The following LPP variants were observed in gnomAD, a reference collection of about 807,000 sequenced individuals.
LPP encodes the protein lipoma-preferred partner.
A neutral mutation model predicts 60.4 loss-of-function variants in LPP; 38 were observed. That is an observed-to-expected ratio of 0.63 (90% CI 0.49 to 0.83). The LOEUF (loss-of-function observed/expected upper bound fraction) is 0.83, where lower values mean the gene tolerates loss of function less well. LPP is among the 40% of genes least tolerant of loss of function. The probability of loss-of-function intolerance (pLI) is 0.00; values close to 1 mark genes in which losing one functional copy is unlikely to be tolerated. For missense variants in LPP, 902 were observed against 783.6 expected (o/e 1.15, Z -1.80); for synonymous variants, 328 against 290.8 (o/e 1.13, Z -1.30).
At chr3:188,288,063 G>A (rs779639422) in intron 2 of LPP, among the ~76,000 whole-genome samples, 2 of 152,182 alleles carry the variant, frequency 1.3e-5, no homozygotes, top group Non-Finnish European at 2.9e-5. Context: ...CTTAAGGACA[G>A]CTCCAGCCTG....
intron 8 of LPP, chr3:188,759,584 C>T (rs1460961709): frequency 6.5e-6 from 1 of 154,188 alleles, no homozygotes; most frequent in Non-Finnish European, 1.4e-5. Flanking sequence ...AATTAAAGGA[C>T]TGCCTTGGGA....
intron 1 of LPP, among the ~76,000 whole-genome samples, chr3:188,210,999 A>G (rs748956888): frequency 1.3e-5 from 2 of 152,150 alleles, no homozygotes; most frequent in Non-Finnish European, 2.9e-5. Flanking sequence ...ATAGTAACTT[A>G]TATTTGTGTT....
At chr3:188,484,826 G>A (rs1182823431) in intron 5 of LPP, 122 bp downstream of exon 5, 1 of 720,452 alleles carries the variant, frequency 1.4e-6, no homozygotes, top group Non-Finnish European at 2.4e-6. Flanking sequence ...TTTATCCAGA[G>A]CCTATTGAGA....
chr3:188,803,831 G>C (rs1748083012), intron 9 of LPP, among the ~76,000 whole-genome samples: 1 of 152,086 alleles, frequency 6.6e-6, no homozygotes, highest in South Asian at 2.1e-4. Context: ...TCGTTTGTCA[G>C]TTTTTACAAA....
chr3:188,592,557 G>GTTGTTTGTTTTTTTT (rs1553936334), intron 6 of LPP, among the ~76,000 whole-genome samples: 20 of 85,754 alleles, frequency 2.3e-4, no homozygotes, highest in South Asian at 2.3e-3. Flanking sequence ...TTTTGTTTTT[G>GTTGTTTGTTTTTTTT]TTTTTTAAAT....
intron 7 of LPP, among the ~76,000 whole-genome samples, chr3:188,707,450 T>G (rs1865708987): frequency 6.6e-6 from 1 of 152,234 alleles, no homozygotes; most frequent in African/African-American, 2.4e-5. Context: ...CATTTTGCTC[T>G]GTATGTCTTC....
At chr3:188,206,191 T>C (rs76817822) in intron 1 of LPP, among the ~76,000 whole-genome samples, 6,023 of 152,240 alleles carry the variant, frequency 0.04, 158 homozygotes, top group South Asian at 0.097. Flanking sequence ...TTTTCATTTT[T>C]TCAAGGAAAG....
intron 3 of LPP, among the ~76,000 whole-genome samples, chr3:188,371,437 T>C (rs1447339156): frequency 6.6e-6 from 1 of 151,126 alleles, no homozygotes; most frequent in African/African-American, 2.4e-5. Flanking sequence ...TCATCTTTGA[T>C]GCCTACCATG....
At position 188,889,701 on chromosome 3, in the gene LPP, A is replaced by G. The variant is rs1771050261; in HGVS notation, c.*15222A>G. On this transcript the variant is annotated 3_prime_UTR_variant, in exon 12 of 12. Transcript: ENST00000617246. ...TTTTCCATATAAGGAGCCCCATTACATAAGCTACGGGTGAGGTTGGAACAG... is the reference window on the plus strand; with the variant it reads ...TTTTCCATATAAGGAGCCCCATTACGTAAGCTACGGGTGAGGTTGGAACAG... 4.5e-6 allele frequency: 1 copy of G among 221,908 alleles called. No individual in the cohort carries two copies. Among genetic ancestry groups the G allele is most frequent in the Non-Finnish European group, 9.0e-6 (1 of 110,888 alleles). The allele number at this position is 221,908 out of a possible 1,614,324, so 13.7% of individuals were successfully genotyped here.
At chr3:188,220,449 C>T (rs1715361361) in intron 1 of LPP, among the ~76,000 whole-genome samples, 1 of 152,246 alleles carries the variant, frequency 6.6e-6, no homozygotes, top group South Asian at 2.1e-4. Context: ...GATACTGCTA[C>T]AAAGTTTCCT....
chr3:188,199,775 C>G (rs1040403184), intron 1 of LPP, among the ~76,000 whole-genome samples: 1 of 151,148 alleles, frequency 6.6e-6, no homozygotes, highest in South Asian at 2.1e-4. Context: ...AGTTCAATGG[C>G]GTGATCTTGG....
intron 1 of LPP, among the ~76,000 whole-genome samples, chr3:188,190,957 C>T (rs974919471): frequency 6.6e-6 from 1 of 152,192 alleles, no homozygotes; most frequent in African/African-American, 2.4e-5. Context: ...TGGGGCCAGG[C>T]GTGGTGGCTC....
At chr3:188,830,794 G>C (rs751897117) in intron 9 of LPP, among the ~76,000 whole-genome samples, 1 of 152,094 alleles carries the variant, frequency 6.6e-6, no homozygotes. Flanking sequence ...CTATTACATA[G>C]TAAGAAGCTC....
chr3:188,628,424 C>A (rs1205746505), intron 7 of LPP, among the ~76,000 whole-genome samples: 1 of 151,896 alleles, frequency 6.6e-6, no homozygotes, highest in Non-Finnish European at 1.5e-5. Flanking sequence ...TACATTACCA[C>A]CAACCCCACA....
intron 9 of LPP, among the ~76,000 whole-genome samples, chr3:188,817,999 C>T (rs534805771): frequency 6.6e-6 from 1 of 152,294 alleles, no homozygotes; most frequent in South Asian, 2.1e-4. Context: ...GTTCAGAGTG[C>T]AAGCATGAGC....
At chr3:188,628,313 G>GT (rs369184460) in intron 7 of LPP, among the ~76,000 whole-genome samples, 276 of 149,730 alleles carry the variant, frequency 1.8e-3, no homozygotes, top group Non-Finnish European at 2.7e-3. Flanking sequence ...ACCAAAAGCT[G>GT]TTTTTTTTTG....
In LPP at chr3:188,691,548, A is replaced by T. The variant is rs115667091; in HGVS notation, c.1114-16719A>T. ...TGTCCCTTTATTCATATTGCCATTC[A>T]CAAATTACTTGAGTAGTCCTACTTC... On this transcript the variant is annotated intron_variant, in intron 7 of 11. Coordinates refer to ENST00000617246, the MANE Select transcript of LPP (RefSeq NM_001375462.1). Among the ~76,000 whole-genome samples, 1,033 of 152,308 alleles carry T rather than the reference A, an allele frequency of 6.8e-3. 15 individuals carry two copies. Among genetic ancestry groups the T allele is most frequent in the African/African-American group, 0.024 (988 of 41,564 alleles).
At chr3:188,685,401 T>C (rs771766306) in intron 7 of LPP, among the ~76,000 whole-genome samples, 34 of 152,034 alleles carry the variant, frequency 2.2e-4, no homozygotes, top group Non-Finnish European at 4.1e-4. Flanking sequence ...TGTGGTTGAA[T>C]TGAGAGAAGA....
At chr3:188,438,266 G>T (rs1792849935) in intron 4 of LPP, among the ~76,000 whole-genome samples, 1 of 151,338 alleles carries the variant, frequency 6.6e-6, no homozygotes, top group Admixed American at 6.6e-5. Flanking sequence ...TAATGAAAAA[G>T]CCCAATCTTA....
Sources: allele counts gnomAD v4.1 joint callset (sites outside exome capture counted in the v4.1 genomes callset), GRCh38; gene constraint gnomAD v4.1.1; transcripts MANE v1.5; gene names NCBI Gene and HGNC (gene_info 2026-07-23, HGNC 2026-07-21).